The following SPRR2G variants were observed in gnomAD, a reference collection of about 807,000 sequenced individuals.
The protein encoded by SPRR2G is small proline rich protein 2G.
Under a neutral mutation model 0.7 loss-of-function variants are expected in SPRR2G, and 1 was observed. That is an observed-to-expected ratio of 1.49 (90% CI 0.53 to 7.06). The LOEUF is 7.06. Among genes scored for constraint, SPRR2G ranks in the 30% most tolerant of loss-of-function variants. The pLI is 0.14. For synonymous variants in SPRR2G, 38 were observed against 33.9 expected (o/e 1.12, Z -0.42); for missense variants, 96 against 88.5 (o/e 1.09, Z -0.34).
the SPRR2G span, among the ~76,000 whole-genome samples, chr1:153,182,357 G>A: frequency 2.6e-4 from 39 of 149,114 alleles, no homozygotes; most frequent in Admixed American, 7.9e-4. Context: ...AAAAGTTATC[G>A]TGGTTTTTGT....
At chr1:153,163,979 A>G in the SPRR2G span, among the ~76,000 whole-genome samples, 1 of 152,216 alleles carries the variant, frequency 6.6e-6, no homozygotes, top group African/African-American at 2.4e-5. Flanking sequence ...CTCAGTCCTC[A>G]CCAAATGGTA....
the SPRR2G span, among the ~76,000 whole-genome samples, chr1:153,157,327 G>A: frequency 6.6e-6 from 1 of 152,112 alleles, no homozygotes; most frequent in Non-Finnish European, 1.5e-5. Context: ...ATAGGTGAAA[G>A]GATATGATAT....
the SPRR2G span, among the ~76,000 whole-genome samples, chr1:153,202,679 C>T: frequency 2.4e-4 from 37 of 152,166 alleles, no homozygotes; most frequent in African/African-American, 8.4e-4. Context: ...TCGACTTTTA[C>T]TTCACCACCC....
the SPRR2G span, among the ~76,000 whole-genome samples, chr1:153,160,933 C>T: frequency 6.6e-6 from 1 of 151,620 alleles, no homozygotes; most frequent in Non-Finnish European, 1.5e-5. Flanking sequence ...GAGTCCATGT[C>T]CTTTGTAGGG....
At chr1:153,202,907 G>C in the SPRR2G span, among the ~76,000 whole-genome samples, 5 of 152,088 alleles carry the variant, frequency 3.3e-5, no homozygotes, top group Admixed American at 6.6e-5. Context: ...CCCTGGTCAG[G>C]CCTTTAAAAA....
At chr1:153,177,284 G>C in the SPRR2G span, among the ~76,000 whole-genome samples, 16 of 152,070 alleles carry the variant, frequency 1.1e-4, no homozygotes, top group African/African-American at 3.9e-4. Context: ...TTACAATTTG[G>C]GGCTATATGA....
At chr1:153,186,635 G>T in the SPRR2G span, among the ~76,000 whole-genome samples, 1 of 152,030 alleles carries the variant, frequency 6.6e-6, no homozygotes, top group Non-Finnish European at 1.5e-5. Context: ...ACACCAATGG[G>T]TCTTGACTCT....
chr1:153,193,666 C>G, the SPRR2G span, among the ~76,000 whole-genome samples: 1 of 152,130 alleles, frequency 6.6e-6, no homozygotes, highest in Admixed American at 6.5e-5. Context: ...AAACACCCAG[C>G]CCAGGAATCC....
At chr1:153,154,540 G>T (rs1656542552), upstream of SPRR2G, among the ~76,000 whole-genome samples, 1 of 151,806 alleles carries the variant, frequency 6.6e-6, no homozygotes, top group Non-Finnish European at 1.5e-5. Context: ...ACTCGTTATT[G>T]GTCTGTCCAG....
the SPRR2G span, among the ~76,000 whole-genome samples, chr1:153,195,993 C>T: frequency 6.6e-6 from 1 of 152,208 alleles, no homozygotes; most frequent in South Asian, 2.1e-4. Flanking sequence ...CACTCAGGAC[C>T]TTCCTGGGGG....
At chr1:153,167,554 A>G in the SPRR2G span, among the ~76,000 whole-genome samples, 15 of 152,312 alleles carry the variant, frequency 9.8e-5, no homozygotes, top group African/African-American at 3.4e-4. Flanking sequence ...AGTTATTTTG[A>G]TATGTTTACT....
At chr1:153,197,432 C>A in the SPRR2G span, among the ~76,000 whole-genome samples, 1 of 152,174 alleles carries the variant, frequency 6.6e-6, no homozygotes, top group Non-Finnish European at 1.5e-5. Flanking sequence ...AGATCTCCAT[C>A]TCCATAAAGT....
chr1:153,164,533 G>A, the SPRR2G span, among the ~76,000 whole-genome samples: 53 of 152,226 alleles, frequency 3.5e-4, no homozygotes, highest in African/African-American at 1.2e-3. Flanking sequence ...AGTATCCATG[G>A]GAGATTTGTT....
At chr1:153,173,533 G>C in the SPRR2G span, among the ~76,000 whole-genome samples, 320 of 152,244 alleles carry the variant, frequency 2.1e-3, 1 homozygote, top group African/African-American at 7.3e-3. Context: ...ACCTCCTGAT[G>C]GTCTTTCAGC....
chr1:153,195,166 A>G, the SPRR2G span, among the ~76,000 whole-genome samples: 1 of 152,140 alleles, frequency 6.6e-6, no homozygotes. Context: ...ACCAAAGCCA[A>G]AGAGGCTCTT....
At chr1:153,165,228 T>A in the SPRR2G span, among the ~76,000 whole-genome samples, 1 of 152,000 alleles carries the variant, frequency 6.6e-6, no homozygotes, top group Non-Finnish European at 1.5e-5. Context: ...ATCAGTTAAT[T>A]GATCAAAATA....
the SPRR2G span, among the ~76,000 whole-genome samples, chr1:153,200,813 C>T: frequency 6.6e-6 from 1 of 151,986 alleles, no homozygotes; most frequent in East Asian, 1.9e-4. Context: ...GATTCTTCTG[C>T]CTCAGCCTCC....
upstream of SPRR2G, among the ~76,000 whole-genome samples, chr1:153,153,214 A>T (rs1656509901): frequency 6.6e-6 from 1 of 152,150 alleles, no homozygotes; most frequent in Non-Finnish European, 1.5e-5. Context: ...TCTCTTTTGA[A>T]TTTTGGTATC....
the SPRR2G span, chr1:153,191,364 C>A: frequency 2.0e-5 from 3 of 152,090 alleles, no homozygotes; most frequent in Non-Finnish European, 2.9e-5. Flanking sequence ...GGGGATGGAC[C>A]CCAGAGACAG....
Sources: gnomAD v4.1 joint callset for allele counts (sites outside exome capture counted in the v4.1 genomes callset) on GRCh38, gnomAD v4.1.1 for gene constraint, MANE v1.5 for transcripts, NCBI Gene and HGNC (gene_info 2026-07-23, HGNC 2026-07-21) for gene names.